The following CEP57L1 variants were observed in gnomAD, a reference collection of about 807,000 sequenced individuals.
CEP57L1 encodes centrosomal protein CEP57L1.
A neutral mutation model predicts 61.0 loss-of-function variants in CEP57L1; 37 were observed. That is an observed-to-expected ratio of 0.61 (90% confidence interval 0.47 to 0.80). The LOEUF (loss-of-function observed/expected upper bound fraction) is 0.80, where lower values mean the gene tolerates loss of function less well. Among genes scored for constraint, CEP57L1 ranks in the 30% least tolerant of loss-of-function variants. The probability of loss-of-function intolerance (pLI) is 0.00; values close to 1 mark genes in which losing one functional copy is unlikely to be tolerated. For missense variants in CEP57L1, 422 were observed against 524.7 expected (o/e 0.80, Z 1.91); for synonymous variants, 137 against 162.3 (o/e 0.84, Z 1.19).
intron 1 of CEP57L1, among the ~76,000 whole-genome samples, chr6:109,129,660 T>G (rs1044569927): frequency 6.6e-6 from 1 of 152,206 alleles, no homozygotes; most frequent in Non-Finnish European, 1.5e-5. Context: ...GGGTAAAATT[T>G]AAAAAGTCAC....
intron 1 of CEP57L1, among the ~76,000 whole-genome samples, chr6:109,112,787 C>G (rs901263054): frequency 6.6e-6 from 1 of 152,124 alleles, no homozygotes; most frequent in Non-Finnish European, 1.5e-5. Flanking sequence ...TATTCGGGAG[C>G]AGGTTATTCA....
At chr6:109,146,442 C>T (rs1771969743) in intron 2 of CEP57L1, among the ~76,000 whole-genome samples, 1 of 151,826 alleles carries the variant, frequency 6.6e-6, no homozygotes, top group Admixed American at 6.6e-5. Context: ...CTTATGCTCC[C>T]CAGACTGTAC....
intron 3 of CEP57L1, among the ~76,000 whole-genome samples, chr6:109,148,182 T>C (rs1772173979): frequency 6.6e-6 from 1 of 152,134 alleles, no homozygotes; most frequent in South Asian, 2.1e-4. Context: ...GTTAGTTACA[T>C]ATGTATACAT....
intron 1 of CEP57L1, among the ~76,000 whole-genome samples, chr6:109,114,515 A>C (rs1772054162): frequency 6.6e-6 from 1 of 152,184 alleles, no homozygotes; most frequent in South Asian, 2.1e-4. Context: ...AAAACAGGAA[A>C]TTTCTTCATT....
intron 1 of CEP57L1, chr6:109,129,247 C>CA (rs774683835): frequency 2.1e-4 from 125 of 600,464 alleles, no homozygotes; most frequent in Non-Finnish European, 2.7e-4. Context: ...TCTATCCAAT[C>CA]AATTCATTTT....
Position 109,096,748 on chromosome 6 carries a change from T to C in CEP57L1, c.-4+1173T>C, listed in dbSNP as rs929424899. On this transcript the variant is annotated intron_variant, in intron 1 of 10. Coordinates refer to ENST00000517392, the MANE Select transcript of CEP57L1 (RefSeq NM_001271852.3). ...TGAATTTTAAAAAGGGAATAACTTA[T>C]GAGTGTGATTGAAAAAGCAAAACAA... Among the ~76,000 whole-genome samples, 5 of 152,246 alleles carry C rather than the reference T, an allele frequency of 3.3e-5. No homozygotes were observed. In the East Asian group the frequency reaches 5.8e-4, roughly 18 times the overall value.
At chr6:109,102,718 A>C (rs1372695717) in intron 1 of CEP57L1, among the ~76,000 whole-genome samples, 1 of 151,852 alleles carries the variant, frequency 6.6e-6, no homozygotes, top group African/African-American at 2.4e-5. Context: ...TTTCTGCTGG[A>C]TCTGAAATTA....
chr6:109,135,173 G>C (rs950444313), intron 1 of CEP57L1, among the ~76,000 whole-genome samples: 5 of 152,114 alleles, frequency 3.3e-5, no homozygotes, highest in African/African-American at 9.7e-5. Context: ...ACGCTACAAG[G>C]CTACAGTAAC....
chr6:109,126,499 T>A (rs1773571544), intron 1 of CEP57L1, among the ~76,000 whole-genome samples: 1 of 152,294 alleles, frequency 6.6e-6, no homozygotes, highest in South Asian at 2.1e-4. Context: ...TTTGTCCTTT[T>A]AAAAAATAGA....
chr6:109,111,075 A>G (rs760594532), intron 1 of CEP57L1, among the ~76,000 whole-genome samples: 1 of 152,204 alleles, frequency 6.6e-6, no homozygotes, highest in Non-Finnish European at 1.5e-5. Context: ...AGTCAATGGT[A>G]GCTTGATCAG....
chr6:109,129,549 C>T (rs1193592313), intron 1 of CEP57L1: 2 of 455,400 alleles, frequency 4.4e-6, no homozygotes, highest in Non-Finnish European at 8.8e-6. Context: ...ATATAATTTA[C>T]TTCTACATTA....
At chr6:109,099,770 G>C (rs1028455812) in intron 1 of CEP57L1, among the ~76,000 whole-genome samples, 1 of 152,050 alleles carries the variant, frequency 6.6e-6, no homozygotes, top group East Asian at 1.9e-4. Context: ...GGATGGTCTC[G>C]ATCTCCTGAC....
At chr6:109,095,882 C>A (rs966679547) in intron 1 of CEP57L1, among the ~76,000 whole-genome samples, 7 of 152,106 alleles carry the variant, frequency 4.6e-5, no homozygotes, top group Non-Finnish European at 1.0e-4. Flanking sequence ...TGTGGACACA[C>A]GCGGGGTGGA....
intron 1 of CEP57L1, among the ~76,000 whole-genome samples, chr6:109,122,909 A>G (rs963128294): frequency 8.5e-5 from 13 of 152,092 alleles, no homozygotes; most frequent in African/African-American, 2.9e-4. Flanking sequence ...AATAAACTCA[A>G]TGTCATTGTT....
intron 1 of CEP57L1, among the ~76,000 whole-genome samples, chr6:109,105,225 G>C (rs1463710808): frequency 6.6e-6 from 1 of 151,382 alleles, no homozygotes; most frequent in African/African-American, 2.4e-5. Context: ...TTTTTTATTT[G>C]TAAATTGTCT....
intron 1 of CEP57L1, among the ~76,000 whole-genome samples, chr6:109,123,993 C>T (rs941380092): frequency 6.6e-6 from 1 of 152,030 alleles, no homozygotes; most frequent in African/African-American, 2.4e-5. Flanking sequence ...ATTGCTTGAA[C>T]CCAGAAGGTG....
chr6:109,114,310 G>T (rs1772027161), intron 1 of CEP57L1, among the ~76,000 whole-genome samples: 2 of 152,110 alleles, frequency 1.3e-5, no homozygotes, highest in Admixed American at 1.3e-4. Context: ...GATGATTAGA[G>T]ATGTTGAACA....
At chr6:109,115,599 TA>T (rs1227475914) in intron 1 of CEP57L1, among the ~76,000 whole-genome samples, 1 of 152,208 alleles carries the variant, frequency 6.6e-6, no homozygotes, top group East Asian at 1.9e-4. Context: ...ATAAATCTGT[TA>T]TTTTTTTTAA....
chr6:109,128,444 C>G (rs1318038208), intron 1 of CEP57L1, among the ~76,000 whole-genome samples: 1 of 152,012 alleles, frequency 6.6e-6, no homozygotes, highest in Admixed American at 6.6e-5. Flanking sequence ...TATTTTAGAC[C>G]TATATTTTTC....
Sources: gnomAD v4.1 joint callset for allele counts (sites outside exome capture counted in the v4.1 genomes callset) on GRCh38, gnomAD v4.1.1 for gene constraint, MANE v1.5 for transcripts, NCBI Gene and HGNC (gene_info 2026-07-23, HGNC 2026-07-21) for gene names.